The following CNGB3 variants were observed in gnomAD, a reference collection of about 807,000 sequenced individuals.
CNGB3 encodes cyclic nucleotide-gated channel beta-3.
Under a neutral mutation model 92.8 loss-of-function variants are expected in CNGB3, and 86 were observed. The observed-to-expected ratio is 0.93, with a 90% CI of 0.78 to 1.11. CNGB3 has a LOEUF of 1.11. CNGB3 is among the 50% of genes least tolerant of loss of function. The probability of loss-of-function intolerance (pLI) is 0.00; values close to 1 mark genes in which losing one functional copy is unlikely to be tolerated. For missense variants in CNGB3, 1,026 were observed against 956.8 expected (o/e 1.07, Z -0.95); for synonymous variants, 333 against 332.7 (o/e 1.00, Z -0.01).
At chr8:86,621,251 G>A (rs2131576497) in intron 13 of CNGB3, among the ~76,000 whole-genome samples, 1 of 152,222 alleles carries the variant, frequency 6.6e-6, no homozygotes, top group African/African-American at 2.4e-5. Context: ...GGTATAACGA[G>A]TTTTATAATA....
chr8:86,720,044 C>A (rs915447662), intron 3 of CNGB3, among the ~76,000 whole-genome samples: 2 of 152,258 alleles, frequency 1.3e-5, no homozygotes, highest in Non-Finnish European at 2.9e-5. Context: ...CATAAAAATT[C>A]TAGACAATAA....
chr8:86,591,505 CA>C (rs1395999665), intron 15 of CNGB3, among the ~76,000 whole-genome samples: 1 of 148,790 alleles, frequency 6.7e-6, no homozygotes, highest in Non-Finnish European at 1.5e-5. Context: ...TGGTGATGTA[CA>C]GATGGGTTTT....
intron 3 of CNGB3, among the ~76,000 whole-genome samples, chr8:86,719,132 AC>A (rs1279935858): frequency 6.6e-6 from 1 of 152,002 alleles, no homozygotes; most frequent in Non-Finnish European, 1.5e-5. Context: ...GTCCACTTTC[AC>A]CACTTCTATT....
At chr8:86,707,577 G>A (rs1824673445) in intron 3 of CNGB3, 1 of 152,590 alleles carries the variant, frequency 6.6e-6, no homozygotes, top group Non-Finnish European at 1.5e-5. Context: ...GCAAGTTGAA[G>A]GCAGATAATA....
rs2131626594 is a variant in CNGB3 at position 86,679,671 on chromosome 8, G to T, written c.339-8573C>A. Among the ~76,000 whole-genome samples, 3 of 152,092 alleles carry T rather than the reference G, an allele frequency of 2.0e-5. No homozygotes were observed. The South Asian group carries it at 6.2e-4, about 32-fold the overall frequency. On this transcript the variant is annotated intron_variant, in intron 3 of 17. Transcript: ENST00000320005. ...TTCCCAAGTAGCTGGGATTACAGTT[G>T]CCCACCACCATGCCTGGCTAATTTT...
At chr8:86,662,264 TTAAA>T (rs1823656438) in intron 6 of CNGB3, among the ~76,000 whole-genome samples, 1 of 152,216 alleles carries the variant, frequency 6.6e-6, no homozygotes, top group Non-Finnish European at 1.5e-5. Context: ...ATAATGCAGA[TTAAA>T]TAATTATTCA....
chr8:86,575,689 G>T lies in CNGB3; in HGVS notation c.*115C>A, dbSNP rs1379655098. On this transcript the variant is annotated 3_prime_UTR_variant, in exon 18 of 18. Coordinates refer to ENST00000320005, the MANE Select transcript of CNGB3 (RefSeq NM_019098.5). The stretch of plus-strand genomic sequence containing the variant: ...GTCCTAGAAACTAAGCTAGGGATTT[G>T]CCTTTCGTTTCTCAAGGGTCCCAGC... The T allele has an allele frequency of 2.4e-6, 2 of 820,840 alleles. No individual in the cohort carries two copies. Among genetic ancestry groups the T allele is most frequent in the South Asian group, 1.7e-5 (1 of 58,350 alleles). 50.8% of individuals were successfully genotyped at this position (820,840 alleles called of 1,614,324 possible).
intron 11 of CNGB3, among the ~76,000 whole-genome samples, chr8:86,632,234 G>A (rs1471607985): frequency 6.9e-6 from 1 of 145,050 alleles, no homozygotes; most frequent in Non-Finnish European, 1.5e-5. Flanking sequence ...TCTATCCTTT[G>A]TAAGTGCCAA....
chr8:86,697,294 A>C (rs753933634), intron 3 of CNGB3, among the ~76,000 whole-genome samples: 14 of 152,168 alleles, frequency 9.2e-5, no homozygotes, highest in Non-Finnish European at 1.5e-4. Context: ...TATATTAACT[A>C]TCCTATCTTA....
intron 3 of CNGB3, among the ~76,000 whole-genome samples, chr8:86,672,848 C>A (rs529341215): frequency 6.6e-6 from 1 of 152,294 alleles, no homozygotes; most frequent in South Asian, 2.1e-4. Flanking sequence ...GTCTCAGAAT[C>A]AAGATCTCCA....
At chr8:86,703,428 T>C (rs538728124) in intron 3 of CNGB3, among the ~76,000 whole-genome samples, 2 of 152,156 alleles carry the variant, frequency 1.3e-5, no homozygotes, top group Non-Finnish European at 2.9e-5. Flanking sequence ...GTGCACACAA[T>C]ATAATTCTTT....
chr8:86,725,641 A>G lies in CNGB3; in HGVS notation c.338+890T>C, dbSNP rs142725950. ...AAGGCATTCTCTGTTTCTGATGCCAATTGTTCATTCAGCAATTCCCTGGGT... is the reference window on the plus strand; with the variant it reads ...AAGGCATTCTCTGTTTCTGATGCCAGTTGTTCATTCAGCAATTCCCTGGGT... On this transcript the variant is annotated intron_variant, in intron 3 of 17. Transcript: ENST00000320005. Among the ~76,000 whole-genome samples the G allele has an allele frequency of 7.4e-4, 112 of 152,236 alleles. No homozygotes were observed. In the East Asian group the frequency reaches 0.014, roughly 19 times the overall value.
chr8:86,578,403 C>T (rs1821698606), intron 17 of CNGB3, among the ~76,000 whole-genome samples: 1 of 152,066 alleles, frequency 6.6e-6, no homozygotes, highest in Admixed American at 6.6e-5. Flanking sequence ...AGTAGATTCA[C>T]CAATATAGAA....
chr8:86,613,162 G>A (rs932142802), intron 13 of CNGB3, among the ~76,000 whole-genome samples: 1 of 152,170 alleles, frequency 6.6e-6, no homozygotes, highest in African/African-American at 2.4e-5. Context: ...CTTTTATGCA[G>A]AGGGAAATTT....
chr8:86,604,153 C>T lies in CNGB3; in HGVS notation c.1721G>A (p.Gly574Asp). 4.3e-6 allele frequency: 7 copies of T among 1,613,720 alleles called. No homozygotes were observed. Among genetic ancestry groups the T allele is most frequent in the Non-Finnish European group, 5.9e-6 (7 of 1,179,702 alleles). The part of the protein sequence containing the change: ...IKHGEVQVLG[G>D]PDGTKVLVTL... ...AACCAGAACTTTAGTACCATCAGGG[C>T]CTCCAAGAACTTGGACTTCTCCATG... Residue 574 changes from glycine to aspartate, a missense_variant, in exon 15 of 18, where the codon GGC (glycine) becomes GAC (aspartate). Gly to Asp is a moderately conservative substitution (Grantham distance 94). Coordinates refer to ENST00000320005, the MANE Select transcript of CNGB3 (RefSeq NM_019098.5).
At chr8:86,654,942 T>C (rs1019018699) in intron 6 of CNGB3, among the ~76,000 whole-genome samples, 2 of 152,182 alleles carry the variant, frequency 1.3e-5, no homozygotes, top group Non-Finnish European at 2.9e-5. Flanking sequence ...AATATCACTT[T>C]CTTGAGCTGT....
intron 15 of CNGB3, among the ~76,000 whole-genome samples, chr8:86,600,603 CT>C (rs869225655): frequency 0.015 from 2,183 of 144,646 alleles, 48 homozygotes; most frequent in African/African-American, 0.05. Flanking sequence ...ATTCTAGTTC[CT>C]TTTTTTTTTC....
chr8:86,719,094 C>A (rs963472227), intron 3 of CNGB3, among the ~76,000 whole-genome samples: 2 of 151,446 alleles, frequency 1.3e-5, no homozygotes, highest in African/African-American at 4.9e-5. Context: ...GAAAGCATTC[C>A]CCTTGAGAAG....
rs1554618958 is a variant in CNGB3 at position 86,735,042 on chromosome 8, G to GGTTTTTTTTTT, written c.211+4612_211+4613insAAAAAAAAAAC. ...CATGTCAAATTCTCAAATGCCGGTGGTTTTTTTTTTTTTTTTTTTTTTTTT... is the reference window on the plus strand; with the variant it reads ...CATGTCAAATTCTCAAATGCCGGTGGGTTTTTTTTTTTTTTTTTTTTTTTTTTTTTTTTTTT... On this transcript the variant is annotated intron_variant, in intron 2 of 17. Coordinates refer to ENST00000320005, the MANE Select transcript of CNGB3 (RefSeq NM_019098.5). 6.3e-4 allele frequency among the ~76,000 whole-genome samples: 54 copies of GGTTTTTTTTTT among 85,868 alleles called. 10 individuals are homozygous for GGTTTTTTTTTT. Among genetic ancestry groups the GGTTTTTTTTTT allele is most frequent in the South Asian group, 2.4e-3 (6 of 2,488 alleles). The allele number at this position is 85,868 out of a possible 152,430, so 56.3% of individuals were successfully genotyped here.
Sources: gnomAD v4.1 joint callset for allele counts (sites outside exome capture counted in the v4.1 genomes callset) on GRCh38, gnomAD v4.1.1 for gene constraint, MANE v1.5 for transcripts, NCBI Gene and HGNC (gene_info 2026-07-23, HGNC 2026-07-21) for gene names.